The following SPTB variants were observed in gnomAD, a reference collection of about 807,000 sequenced individuals.
The protein encoded by SPTB is spectrin beta, erythrocytic, also known as spectrin beta chain, erythrocytic.
In SPTB, 45 loss-of-function variants were observed where a neutral mutation model predicts 256.2. The observed-to-expected ratio is 0.18, with a 90% CI of 0.14 to 0.23. SPTB has a LOEUF of 0.23. SPTB is among the 10% of genes least tolerant of loss of function. The pLI is 1.00. For missense variants in SPTB, 2,715 were observed against 3,040.4 expected, an observed-to-expected ratio of 0.89 and a Z score of 2.52; for synonymous variants, 1,231 against 1,243.1, an observed-to-expected ratio of 0.99 and a Z score of 0.21.
chr14:64,758,350 G>T lies in SPTB; in HGVS notation c.6346-4557C>A, dbSNP rs1169364857. On this transcript the variant is annotated intron_variant, in intron 32 of 35. Transcript: ENST00000644917. This position sits in a 1 kb window ranked among gnomAD's most constrained non-coding sequence, Gnocchi z 4.6. Reference sequence around the variant, plus strand: ...GCCAGTTTCAGTTGGAACATTCTGAGGCTTGAGACAGGAAGGGAGAAGCCA... The same window carrying T: ...GCCAGTTTCAGTTGGAACATTCTGATGCTTGAGACAGGAAGGGAGAAGCCA... Among the ~76,000 whole-genome samples the T allele has an allele frequency of 2.0e-5, 3 of 152,256 alleles. No individual in the cohort carries two copies. The highest frequency in any genetic ancestry group is 4.4e-5 in the Non-Finnish European group (3 of 68,042).
chr14:64,769,901 G>T (rs2082253072), intron 27 of SPTB, among the ~76,000 whole-genome samples, 173 bp from the exon 28 acceptor site: 1 of 152,236 alleles, frequency 6.6e-6, no homozygotes, highest in African/African-American at 2.4e-5. Flanking sequence ...CAGGAACACA[G>T]ATGCCCTGGT....
Position 64,861,442 on chromosome 14 carries a change from G to A in SPTB, c.-52+18350C>T, listed in dbSNP as rs1202286086. 2.0e-5 allele frequency among the ~76,000 whole-genome samples: 3 copies of A among 152,154 alleles called. No individual in the cohort carries two copies. The East Asian group carries it at 5.8e-4, about 29-fold the overall frequency. On this transcript the variant is annotated intron_variant, in intron 1 of 35. Transcript: ENST00000644917. ...GGTTCTTTGTATGTGACAGGGCTCG[G>A]CAAGTGTTCTCGAAATGATACTGTG...
rs2083320412 is a variant in SPTB at position 64,822,991 on chromosome 14, C to T, written c.104G>A (p.Ser35Asn). 2 of 1,613,934 alleles carry T rather than the reference C, an allele frequency of 1.2e-6. No individual in the cohort carries two copies. The highest frequency in any genetic ancestry group is 2.7e-5 in the African/African-American group (2 of 74,944). Reference sequence around the variant, plus strand: ...GGACCTCTCAAAGAGCCTGGCTGAGCTGTTGTCATTATCCAGCTCGTCGTC... The same window carrying T: ...GGACCTCTCAAAGAGCCTGGCTGAGTTGTTGTCATTATCCAGCTCGTCGTC... ...APDDELDNDN[S>N]SARLFERSRI... The change falls in exon 2 of 36, where the codon AGC (serine) becomes AAC (asparagine). Residue 35 changes from serine (S) to asparagine (N), a missense_variant. Coordinates refer to ENST00000644917, the MANE Select transcript of SPTB (RefSeq NM_001355436.2).
intron 1 of SPTB, among the ~76,000 whole-genome samples, chr14:64,869,792 TTTTTTTC>T (rs1180948176): frequency 2.7e-5 from 4 of 148,680 alleles, no homozygotes; most frequent in Non-Finnish European, 6.0e-5. Flanking sequence ...CCTGCTTTTT[TTTTTTTC>T]TTTTTAATTT....
chr14:64,791,923 C>A (rs1287846477), intron 14 of SPTB, 67 bp from the exon 15 acceptor site: 14 of 1,597,918 alleles, frequency 8.8e-6, no homozygotes, highest in African/African-American at 1.3e-5. Context: ...GCCAGTGGCA[C>A]CCCCAGTCTC....
intron 13 of SPTB, 91 bp downstream of exon 13, chr14:64,794,376 G>T: frequency 6.5e-7 from 1 of 1,536,092 alleles, no homozygotes; most frequent in East Asian, 2.3e-5. Context: ...TTTAAAGTTG[G>T]TTCCAGGAGA....
chr14:64,870,473 C>T (rs988521882), intron 1 of SPTB, among the ~76,000 whole-genome samples: 1 of 152,208 alleles, frequency 6.6e-6, no homozygotes, highest in Non-Finnish European at 1.5e-5. Flanking sequence ...CCCACCTGAG[C>T]TTGGGCTACA....
At chr14:64,833,903 A>T (rs2083484124) in intron 1 of SPTB, among the ~76,000 whole-genome samples, 1 of 152,212 alleles carries the variant, frequency 6.6e-6, no homozygotes, top group African/African-American at 2.4e-5. Context: ...GTGGAGGCCC[A>T]TTTGGAGGTC....
intron 2 of SPTB, among the ~76,000 whole-genome samples, chr14:64,814,740 C>G (rs2083157451): frequency 6.6e-6 from 1 of 152,110 alleles, no homozygotes; most frequent in South Asian, 2.1e-4. Flanking sequence ...TGGTCTCGAG[C>G]TCCTGGCCTC....
intron 20 of SPTB, among the ~76,000 whole-genome samples, chr14:64,781,789 A>C (rs887708901): frequency 1.4e-4 from 21 of 152,258 alleles, no homozygotes; most frequent in African/African-American, 4.8e-4. Flanking sequence ...CACTGTTCAC[A>C]ATACCAAAGA....
chr14:64,822,359 C>G (rs747937941), intron 2 of SPTB, among the ~76,000 whole-genome samples: 13 of 77,306 alleles, frequency 1.7e-4, no homozygotes, highest in South Asian at 5.2e-4. Context: ...CCTTCTCTCT[C>G]TCTCTCTCTC....
intron 1 of SPTB, among the ~76,000 whole-genome samples, chr14:64,864,815 T>G (rs1882064464): frequency 6.6e-6 from 1 of 152,060 alleles, no homozygotes. Context: ...TTTTAAAAAG[T>G]TATAGAAGAT....
rs1222213603 is a variant in SPTB, at chr14:64,792,063, C to A, written c.2667-207G>T. Among the ~76,000 whole-genome samples, 1 of 152,214 alleles carries A rather than the reference C, an allele frequency of 6.6e-6. No individual in the cohort carries two copies. Among genetic ancestry groups the A allele is most frequent in the Non-Finnish European group, 1.5e-5 (1 of 68,042 alleles). Reference sequence around the variant, plus strand: ...GTTTGATTTCATGAGTTAGCATTGCCTGGAACAGGCCGGGAGAGAGCCAGT... The same window carrying A: ...GTTTGATTTCATGAGTTAGCATTGCATGGAACAGGCCGGGAGAGAGCCAGT... On this transcript the variant is annotated intron_variant, in intron 14 of 35. Transcript: ENST00000644917. This position sits in a 1 kb window ranked among gnomAD's most constrained non-coding sequence, Gnocchi z 4.2.
Position 64,786,093 on chromosome 14 carries a change from C to G in SPTB, c.3562-142G>C. The G allele has an allele frequency of 1.1e-6, 1 of 886,892 alleles. No homozygotes were observed. Among genetic ancestry groups the G allele is most frequent in the South Asian group, 1.4e-5 (1 of 69,262 alleles). 54.9% of individuals were successfully genotyped at this position (886,892 alleles called of 1,614,324 possible). ...AGAGTAGTACAGGGAGGAGGCACTA[C>G]TCCCCAGGCCTTGCCCCCACCCCTA... On this transcript the variant is annotated intron_variant, in intron 16 of 35. Coordinates refer to ENST00000644917, the MANE Select transcript of SPTB (RefSeq NM_001355436.2). The surrounding 1 kb of genome is among the most constrained non-coding windows in gnomAD (Gnocchi z 5.6).
At chr14:64,781,687 C>T (rs138492605) in intron 20 of SPTB, among the ~76,000 whole-genome samples, 3 of 152,300 alleles carry the variant, frequency 2.0e-5, no homozygotes, top group African/African-American at 2.4e-5. Context: ...AGCAGAACTA[C>T]TATTTGACCC....
At position 64,766,784 on chromosome 14, in the gene SPTB, C is replaced by T; in HGVS notation, c.6287G>A (p.Gly2096Asp). ...AEETGPQEEE[G>D]ETAGEAPVSH... Reference sequence around the variant, plus strand: ...AACTGGAGCCTCCCCTGCTGTCTCGCCTTCCTCCTCTTGAGGCCTAAGGAA... The same window carrying T: ...AACTGGAGCCTCCCCTGCTGTCTCGTCTTCCTCCTCTTGAGGCCTAAGGAA... Residue 2096 changes from glycine to aspartate, a missense_variant, in exon 32 of 36, where the codon GGC becomes GAC. This residue lies in a region of SPTB where 2,239 missense variants were observed against 2,384.4 expected (regional missense o/e 0.94). Coordinates refer to ENST00000644917, the MANE Select transcript of SPTB (RefSeq NM_001355436.2). The T allele has an allele frequency of 6.2e-7, 1 of 1,612,256 alleles. No individual in the cohort carries two copies. The highest frequency in any genetic ancestry group is 8.5e-7 in the Non-Finnish European group (1 of 1,179,912).
intron 1 of SPTB, among the ~76,000 whole-genome samples, chr14:64,860,500 G>A (rs1006359163): frequency 6.6e-6 from 1 of 152,018 alleles, no homozygotes; most frequent in African/African-American, 2.4e-5. Context: ...GTGGAAGCCA[G>A]GTCTGTGTTT....
chr14:64,833,277 G>A (rs766731971), intron 1 of SPTB, among the ~76,000 whole-genome samples: 2 of 152,098 alleles, frequency 1.3e-5, no homozygotes, highest in African/African-American at 2.4e-5. Flanking sequence ...TCTGCTGGGC[G>A]CGGTGGCTCA....
chr14:64,749,254 G>A lies in SPTB; in HGVS notation c.*52C>T, dbSNP rs2081902336. Reference sequence around the variant, plus strand: ...GCGGCGAGAGGAGGCCAAGGCCTGGGCTGCCCGGTCTCTGCGCGTCCCGAC... The same window carrying A: ...GCGGCGAGAGGAGGCCAAGGCCTGGACTGCCCGGTCTCTGCGCGTCCCGAC... On this transcript the variant is annotated 3_prime_UTR_variant, in exon 36 of 36. Coordinates refer to ENST00000644917, the MANE Select transcript of SPTB (RefSeq NM_001355436.2). This position sits in a 1 kb window ranked among gnomAD's most constrained non-coding sequence, Gnocchi z 4.7. 2.0e-6 allele frequency: 3 copies of A among 1,536,310 alleles called. No homozygotes were observed. The highest frequency in any genetic ancestry group is 2.4e-5 in the East Asian group (1 of 40,900).
Sources: gnomAD v4.1 joint callset for allele counts (sites outside exome capture counted in the v4.1 genomes callset) on GRCh38, gnomAD v4.1.1 for gene constraint, gnomAD v4.1.1 regional missense constraint, Gnocchi (gnomAD v3.1) non-coding constraint, MANE v1.5 for transcripts, NCBI Gene and HGNC (gene_info 2026-07-23, HGNC 2026-07-21) for gene names.